GYPC: variants seen among roughly 807,000 people sequenced by gnomAD.
The protein encoded by GYPC is glycophorin C (Gerbich blood group), also known as glycophorin-C.
In GYPC, 14 loss-of-function variants were observed where a neutral mutation model predicts 12.6. The observed-to-expected ratio is 1.11, with a 90% confidence interval of 0.74 to 1.74. GYPC has a LOEUF of 1.74. GYPC is among the 40% of genes most tolerant of loss of function. The probability of loss-of-function intolerance (pLI) is 0.00; values close to 1 mark genes in which losing one functional copy is unlikely to be tolerated. For missense variants in GYPC, 225 were observed against 172.1 expected, an observed-to-expected ratio of 1.31 and a Z score of -1.72; for synonymous variants, 78 against 62.1, an observed-to-expected ratio of 1.26 and a Z score of -1.20.
Position 126,696,265 on chromosome 2 carries a change from G to C in GYPC, c.*123G>C. On this transcript the variant is annotated 3_prime_UTR_variant, in exon 4 of 4. Transcript: ENST00000259254. Reference sequence around the variant, plus strand: ...AGAGAGAGCACTTGATTCTTCCCGAGATAGCCACCTGGAAACACTAGGTGC... The same window carrying C: ...AGAGAGAGCACTTGATTCTTCCCGACATAGCCACCTGGAAACACTAGGTGC... The C allele has an allele frequency of 1.3e-6, 1 of 789,712 alleles. No homozygotes were observed. Among genetic ancestry groups the C allele is most frequent in the Non-Finnish European group, 2.2e-6 (1 of 457,590 alleles). The allele number at this position is 789,712 out of a possible 1,614,324, so 48.9% of individuals were successfully genotyped here.
chr2:126,656,216 C>A lies in GYPC; in HGVS notation c.-48C>A. The A allele has an allele frequency of 1.3e-6, 2 of 1,568,890 alleles. No individual in the cohort carries two copies. Among genetic ancestry groups the A allele is most frequent in the Non-Finnish European group, 8.6e-7 (1 of 1,160,674 alleles). Reference sequence around the variant, plus strand: ...GCGACCCTCCCCCGGCCCGGCCTGGCCCGGCCTGGCCAGTCCCCGCGGTCT... The same window carrying A: ...GCGACCCTCCCCCGGCCCGGCCTGGACCGGCCTGGCCAGTCCCCGCGGTCT... On this transcript the variant is annotated 5_prime_UTR_variant, in exon 1 of 4. Transcript: ENST00000259254.
At chr2:126,658,984 T>C (rs1308281068) in intron 1 of GYPC, among the ~76,000 whole-genome samples, 1 of 152,232 alleles carries the variant, frequency 6.6e-6, no homozygotes, top group African/African-American at 2.4e-5. Context: ...CACCTCAGCA[T>C]TTGATTTCTG....
chr2:126,690,137 A>T, intron 1 of GYPC, 118 bp from the exon 2 acceptor site: 2 of 787,562 alleles, frequency 2.5e-6, no homozygotes, highest in Non-Finnish European at 4.6e-6. Flanking sequence ...GTCTCTGTCC[A>T]CTTGAACCCA....
At chr2:126,695,181 ATCT>A (rs1291200506) in intron 3 of GYPC, among the ~76,000 whole-genome samples, 7 of 152,290 alleles carry the variant, frequency 4.6e-5, no homozygotes, top group Admixed American at 2.0e-4. Context: ...TAATAGCCTC[ATCT>A]TTTTTCCCCC....
intron 2 of GYPC, 133 bp from the exon 3 acceptor site, chr2:126,693,731 G>C: frequency 2.7e-6 from 2 of 748,806 alleles, no homozygotes; most frequent in Non-Finnish European, 5.0e-6. Context: ...TGGGTGCGCC[G>C]CACTGCTCCT....
chr2:126,684,328 G>A (rs1683228020), intron 1 of GYPC, among the ~76,000 whole-genome samples: 1 of 152,202 alleles, frequency 6.6e-6, no homozygotes, highest in South Asian at 2.1e-4. Context: ...CCATGCCTGA[G>A]AGTGACGGCA....
At chr2:126,658,578 C>A (rs1180602681) in intron 1 of GYPC, 1 of 152,210 alleles carries the variant, frequency 6.6e-6, no homozygotes, top group Non-Finnish European at 1.5e-5. Flanking sequence ...AGTGGGCCAA[C>A]AAGCACGCTC....
chr2:126,659,894 G>C (rs1682486226), intron 1 of GYPC, among the ~76,000 whole-genome samples: 1 of 151,238 alleles, frequency 6.6e-6, no homozygotes, highest in Non-Finnish European at 1.5e-5. Context: ...GCGTTGAAGA[G>C]ATTCTCTGCC....
chr2:126,696,088 A>T lies in GYPC; in HGVS notation c.333A>T (p.Gly111=), dbSNP rs1050967. ...FAESADAALQ[G]DPALQDAGDS... ...AGAGTGCAGATGCAGCCCTGCAGGGAGACCCTGCCCTCCAAGATGCTGGTG... is the reference window on the plus strand; with the variant it reads ...AGAGTGCAGATGCAGCCCTGCAGGGTGACCCTGCCCTCCAAGATGCTGGTG... Residue 111 remains glycine (G), a synonymous_variant, in exon 4 of 4, where the codon GGA becomes GGT. Coordinates refer to ENST00000259254, the MANE Select transcript of GYPC (RefSeq NM_002101.5). 2.6e-5 allele frequency: 42 copies of T among 1,613,776 alleles called. No homozygotes were observed. In the Middle Eastern group the frequency reaches 4.9e-4, roughly 19 times the overall value.
intron 1 of GYPC, 98 bp from the exon 2 acceptor site, chr2:126,690,157 C>G (rs1683413778): frequency 2.3e-6 from 2 of 865,714 alleles, no homozygotes; most frequent in Non-Finnish European, 2.0e-6. Context: ...ATTCTCAGAG[C>G]TGCTCACACC....
intron 1 of GYPC, chr2:126,678,511 G>A (rs1350396758): frequency 2.0e-5 from 3 of 152,210 alleles, no homozygotes; most frequent in Non-Finnish European, 4.4e-5. Context: ...GCCGGCCTGA[G>A]TAGGGAGAAT....
At chr2:126,659,738 C>T (rs1357403860) in intron 1 of GYPC, among the ~76,000 whole-genome samples, 2 of 151,978 alleles carry the variant, frequency 1.3e-5, no homozygotes, top group Non-Finnish European at 2.9e-5. Context: ...CTCCCCTGCA[C>T]ACCTGCTATG....
chr2:126,694,088 G>A (rs372362144), intron 3 of GYPC, 141 bp downstream of exon 3: 4 of 704,598 alleles, frequency 5.7e-6, no homozygotes, highest in Middle Eastern at 4.9e-4. Context: ...TTTGAATGTG[G>A]AATGGAGGAG....
chr2:126,660,323 C>T (rs1253183753), intron 1 of GYPC, among the ~76,000 whole-genome samples: 2 of 152,222 alleles, frequency 1.3e-5, no homozygotes, highest in African/African-American at 4.8e-5. Flanking sequence ...TGCCCTTGCC[C>T]GCCTTAGCAG....
chr2:126,682,580 A>G (rs967930977), intron 1 of GYPC, among the ~76,000 whole-genome samples: 1 of 152,126 alleles, frequency 6.6e-6, no homozygotes, highest in African/African-American at 2.4e-5. Context: ...TTCCCTCTTA[A>G]GGACTCTGTT....
chr2:126,691,480 C>T lies in GYPC; in HGVS notation c.106+1169C>T, dbSNP rs1683461987. ...GGCCAAGTCCTGCTCCTCCTGCAGA[C>T]TCACCCCAGTCCTCAATCGCCAGGA... On this transcript the variant is annotated intron_variant, in intron 2 of 3. Coordinates refer to ENST00000259254, the MANE Select transcript of GYPC (RefSeq NM_002101.5). Among the ~76,000 whole-genome samples, 4 of 152,284 alleles carry T rather than the reference C, an allele frequency of 2.6e-5. No homozygotes were observed. The South Asian group carries it at 6.2e-4, about 24-fold the overall frequency.
Position 126,656,580 on chromosome 2 carries a change from C to T in GYPC, c.49+268C>T, listed in dbSNP as rs958787065. ...TGGAGAAGCCGCCAGCCCGCCCTCC[C>T]AGGGCGTGTCGCCCGCTTTCTGTTT... On this transcript the variant is annotated intron_variant, in intron 1 of 3. Coordinates refer to ENST00000259254, the MANE Select transcript of GYPC (RefSeq NM_002101.5). Among the ~76,000 whole-genome samples, 197 of 152,386 alleles carry T rather than the reference C, an allele frequency of 1.3e-3. 1 individual carries two copies. The highest frequency in any genetic ancestry group is 4.3e-3 in the African/African-American group (177 of 41,598).
At chr2:126,685,597 C>G (rs948628247) in intron 1 of GYPC, among the ~76,000 whole-genome samples, 1 of 152,140 alleles carries the variant, frequency 6.6e-6, no homozygotes, top group Non-Finnish European at 1.5e-5. Context: ...GTTGGTCAGG[C>G]TGGTCTTGAA....
intron 1 of GYPC, among the ~76,000 whole-genome samples, chr2:126,660,142 C>T (rs575163364): frequency 1.2e-4 from 18 of 152,322 alleles, no homozygotes; most frequent in African/African-American, 4.3e-4. Context: ...CTTGTATGTG[C>T]CAGGCAGGGC....
Sources: allele counts gnomAD v4.1 joint callset (sites outside exome capture counted in the v4.1 genomes callset), GRCh38; gene constraint gnomAD v4.1.1; transcripts MANE v1.5; gene names NCBI Gene and HGNC (gene_info 2026-07-23, HGNC 2026-07-21).